The following NEK10 variants were observed in gnomAD, a reference collection of about 807,000 sequenced individuals.
The protein encoded by NEK10 is serine/threonine-protein kinase Nek10.
Under a neutral mutation model 159.8 loss-of-function variants are expected in NEK10, and 122 were observed. The observed-to-expected ratio is 0.76, with a 90% confidence interval of 0.66 to 0.89. The LOEUF (loss-of-function observed/expected upper bound fraction) is 0.89. Ranked by LOEUF, NEK10 falls within the 40% of genes least tolerant of loss-of-function variation. The pLI is 0.00. For missense variants in NEK10, 1,342 were observed against 1,323.1 expected (o/e 1.01, Z -0.22); for synonymous variants, 466 against 457.1 (o/e 1.02, Z -0.25).
chr3:27,175,821 A>G lies in NEK10; in HGVS notation c.2506-988T>C, dbSNP rs538506221. On this transcript the variant is annotated intron_variant, in intron 26 of 35. Coordinates refer to ENST00000691995, the MANE Select transcript of NEK10 (RefSeq NM_001394966.1). ...GGCAGAGAGTGTGAGAAGAAAGAAA[A>G]AGGTGCATTTATTGAAGGGGAAAGA... Among the ~76,000 whole-genome samples the G allele has an allele frequency of 2.6e-5, 4 of 152,254 alleles. No individual in the cohort carries two copies. The South Asian group carries it at 8.3e-4, about 32-fold the overall frequency.
intron 11 of NEK10, among the ~76,000 whole-genome samples, chr3:27,307,294 AT>A (rs1316208122): frequency 6.6e-6 from 1 of 152,200 alleles, no homozygotes; most frequent in African/African-American, 2.4e-5. Context: ...TCTTTAGAAA[AT>A]TACTCAACTA....
intron 1 of NEK10, among the ~76,000 whole-genome samples, chr3:27,365,610 G>GTGTT (rs2049009801): frequency 1.0e-5 from 1 of 99,106 alleles, no homozygotes; most frequent in Non-Finnish European, 1.9e-5. Context: ...TTTTTTTTGT[G>GTGTT]TTTTTTTTTT....
At chr3:27,126,981 T>C (rs1294929221) in intron 32 of NEK10, among the ~76,000 whole-genome samples, 1 of 151,904 alleles carries the variant, frequency 6.6e-6, no homozygotes, top group Non-Finnish European at 1.5e-5. Flanking sequence ...CAGTAATTGA[T>C]CTAGGAGAAG....
intron 29 of NEK10, among the ~76,000 whole-genome samples, chr3:27,167,794 T>C (rs929933191): frequency 1.5e-4 from 23 of 152,240 alleles, no homozygotes; most frequent in African/African-American, 5.1e-4. Context: ...AAAAGTTTTA[T>C]CAACTGATGA....
At chr3:27,184,331 A>C (rs775155935) in intron 26 of NEK10, among the ~76,000 whole-genome samples, 4 of 152,246 alleles carry the variant, frequency 2.6e-5, no homozygotes, top group Non-Finnish European at 4.4e-5. Context: ...TAAAGAGAAC[A>C]TGTGTTTGAT....
chr3:27,141,699 A>G (rs893726666), intron 30 of NEK10, 117 bp from the exon 31 acceptor site: 2 of 682,434 alleles, frequency 2.9e-6, no homozygotes, highest in Non-Finnish European at 5.1e-6. Flanking sequence ...TATCAATGAG[A>G]CAATATGCAG....
At chr3:27,310,826 G>A in intron 9 of NEK10, 123 bp downstream of exon 9, 1 of 577,630 alleles carries the variant, frequency 1.7e-6, no homozygotes, top group Non-Finnish European at 3.1e-6. Context: ...CACAATCTCA[G>A]GCCAGGCTGG....
intron 22 of NEK10, among the ~76,000 whole-genome samples, chr3:27,280,315 C>A (rs1035246306): frequency 5.9e-5 from 9 of 151,894 alleles, no homozygotes; most frequent in Non-Finnish European, 1.2e-4. Context: ...CCCATTTAAC[C>A]CTGCAGAGCC....
At chr3:27,291,906 T>A (rs1192738414) in intron 16 of NEK10, among the ~76,000 whole-genome samples, 1 of 152,190 alleles carries the variant, frequency 6.6e-6, no homozygotes, top group East Asian at 1.9e-4. Context: ...CCTCCCAAAG[T>A]GCTGGGATTA....
chr3:27,277,384 C>T (rs2041848664), intron 22 of NEK10, among the ~76,000 whole-genome samples: 1 of 152,140 alleles, frequency 6.6e-6, no homozygotes, highest in African/African-American at 2.4e-5. Context: ...TGATACATGT[C>T]CTAAACTGAG....
At chr3:27,275,736 C>A (rs1405741719) in intron 22 of NEK10, among the ~76,000 whole-genome samples, 2 of 152,140 alleles carry the variant, frequency 1.3e-5, no homozygotes, top group Non-Finnish European at 2.9e-5. Flanking sequence ...GCAATACTAA[C>A]TCTTTTTTTT....
Position 27,228,394 on chromosome 3 carries a change from A to C in NEK10, c.2091-25837T>G, listed in dbSNP as rs549933641. ...CTCTTGCTATCTCCTGTTATAGAGA[A>C]ACTCTCTGGCCCTATTTTCTCAGTG... is the stretch of plus-strand genomic sequence containing the variant. On this transcript the variant is annotated intron_variant, in intron 23 of 35. Transcript: ENST00000691995. Among the ~76,000 whole-genome samples, 4 of 151,996 alleles carry C rather than the reference A, an allele frequency of 2.6e-5. No homozygotes were observed. The East Asian group carries it at 7.8e-4, about 29-fold the overall frequency.
chr3:27,328,693 G>C (rs982102930), intron 5 of NEK10, among the ~76,000 whole-genome samples: 1 of 152,148 alleles, frequency 6.6e-6, no homozygotes, highest in African/African-American at 2.4e-5. Flanking sequence ...GGAGAGGATT[G>C]ACATAATCTG....
chr3:27,291,384 C>A lies in NEK10; in HGVS notation c.1483G>T (p.Glu495Ter). The A allele has an allele frequency of 6.2e-7, 1 of 1,611,908 alleles. No homozygotes were observed. The highest frequency in any genetic ancestry group is 8.5e-7 in the Non-Finnish European group (1 of 1,178,878). ...VSKLNLLVED[E>*]LKQIAENIES... is the part of the protein sequence containing the mutation. The stretch of plus-strand genomic sequence containing the variant: ...ATATTTTCAGCAATTTGCTTCAGTT[C>A]ATCCTCCTAATCAAAATATAAAAAG... The change falls in exon 18 of 36, where the codon GAA (glutamate) becomes TAA (stop). Residue 495 changes from glutamate to a stop codon, truncating the protein, a stop_gained. Coordinates refer to ENST00000691995, the MANE Select transcript of NEK10 (RefSeq NM_001394966.1). LOFTEE classifies it high-confidence loss of function.
At chr3:27,260,045 C>A (rs2040258686) in intron 22 of NEK10, among the ~76,000 whole-genome samples, 1 of 152,122 alleles carries the variant, frequency 6.6e-6, no homozygotes, top group Non-Finnish European at 1.5e-5. Context: ...TATAAGAATG[C>A]TTGTGATTTT....
chr3:27,120,057 A>T lies in NEK10; in HGVS notation c.3082-189T>A, dbSNP rs536994053. On this transcript the variant is annotated intron_variant, in intron 32 of 35. Transcript: ENST00000691995. Reference sequence around the variant, plus strand: ...AAAGAATTTATAAATTGGATGCAGCAAAATTACAGTGAAAGCAAGTTGGAC... The same window carrying T: ...AAAGAATTTATAAATTGGATGCAGCTAAATTACAGTGAAAGCAAGTTGGAC... Among the ~76,000 whole-genome samples, 570 of 152,356 alleles carry T rather than the reference A, an allele frequency of 3.7e-3. 3 individuals carry two copies. The highest frequency in any genetic ancestry group is 6.6e-3 in the Non-Finnish European group (446 of 68,030).
intron 4 of NEK10, among the ~76,000 whole-genome samples, chr3:27,345,276 G>T (rs2047474434): frequency 6.6e-6 from 1 of 152,068 alleles, no homozygotes; most frequent in Non-Finnish European, 1.5e-5. Context: ...GGCTGTAATG[G>T]TTTCTTAGTA....
intron 1 of NEK10, among the ~76,000 whole-genome samples, chr3:27,366,494 G>C (rs2049095931): frequency 6.6e-6 from 1 of 152,158 alleles, no homozygotes; most frequent in South Asian, 2.1e-4. Context: ...CTCAAAGCTT[G>C]ACTGGCTGTG....
In NEK10 at chr3:27,176,424, C is replaced by G. The variant is rs959204746; in HGVS notation, c.2506-1591G>C. 4.6e-5 allele frequency among the ~76,000 whole-genome samples: 7 copies of G among 152,232 alleles called. No individual in the cohort carries two copies. In the East Asian group the frequency reaches 7.7e-4, roughly 17 times the overall value. On this transcript the variant is annotated intron_variant, in intron 26 of 35. Coordinates refer to ENST00000691995, the MANE Select transcript of NEK10 (RefSeq NM_001394966.1). ...TGAGACAGGAAATGCTTTGGCCGCT[C>G]TCTGGCAAAAGATATATGCTACTCA...
Sources: allele counts gnomAD v4.1 joint callset (sites outside exome capture counted in the v4.1 genomes callset), GRCh38; gene constraint gnomAD v4.1.1; transcripts MANE v1.5; gene names NCBI Gene and HGNC (gene_info 2026-07-23, HGNC 2026-07-21).